The following LARGE1 variants were observed in gnomAD, a reference collection of about 807,000 sequenced individuals.
The protein encoded by LARGE1 is xylosyl- and glucuronyltransferase LARGE1.
A neutral mutation model predicts 87.6 loss-of-function variants in LARGE1; 43 were observed. The ratio of observed to expected loss-of-function variants is 0.49; its 90% CI spans 0.38 to 0.63. The LOEUF is 0.63. Ranked by LOEUF, LARGE1 falls within the 30% of genes least tolerant of loss-of-function variation. The pLI, the probability that LARGE1 is intolerant of heterozygous loss-of-function variation, is 0.00. For synonymous variants in LARGE1, 434 were observed against 394.6 expected (o/e 1.10, Z -1.18); for missense variants, 802 against 1,000.2 (o/e 0.80, Z 2.67).
At chr22:33,770,139 T>G (rs1231819080) in intron 1 of LARGE1, among the ~76,000 whole-genome samples, 1 of 152,238 alleles carries the variant, frequency 6.6e-6, no homozygotes, top group African/African-American at 2.4e-5. Flanking sequence ...GTCATAGATA[T>G]TAAGGAATCC....
chr22:33,788,274 C>T lies in LARGE1; in HGVS notation c.-82-26716G>A, dbSNP rs560230704. 6.6e-5 allele frequency among the ~76,000 whole-genome samples: 10 copies of T among 152,288 alleles called. No homozygotes were observed. The East Asian group carries it at 1.9e-3, about 29-fold the overall frequency. On this transcript the variant is annotated intron_variant, in intron 1 of 14. Transcript: ENST00000397394. Reference sequence around the variant, plus strand: ...CTGCACAAGCTTTCTTGCCTGCTGCCATGTAAGACGTGCCTTTGCTTCTCC... The same window carrying T: ...CTGCACAAGCTTTCTTGCCTGCTGCTATGTAAGACGTGCCTTTGCTTCTCC...
At chr22:33,836,688 C>T (rs2146373960) in intron 1 of LARGE1, among the ~76,000 whole-genome samples, 1 of 152,186 alleles carries the variant, frequency 6.6e-6, no homozygotes, top group African/African-American at 2.4e-5. Context: ...GGGTTCAAGC[C>T]TCAGTCCTCT....
intron 5 of LARGE1, among the ~76,000 whole-genome samples, chr22:33,568,175 C>G (rs1168508072): frequency 6.6e-6 from 1 of 152,170 alleles, no homozygotes; most frequent in African/African-American, 2.4e-5. Context: ...GGCCACCTGG[C>G]TGAGGCAGTG....
chr22:33,821,799 A>T (rs2086830113), intron 1 of LARGE1, among the ~76,000 whole-genome samples: 1 of 152,172 alleles, frequency 6.6e-6, no homozygotes, highest in African/African-American at 2.4e-5. Flanking sequence ...GGAAATCTTC[A>T]ACAATCATTA....
At chr22:33,633,803 T>A (rs1328162128) in intron 3 of LARGE1, among the ~76,000 whole-genome samples, 2 of 152,068 alleles carry the variant, frequency 1.3e-5, no homozygotes, top group Non-Finnish European at 2.9e-5. Flanking sequence ...AGGCAAGACC[T>A]CCCAGAGGAC....
At chr22:33,897,226 G>A (rs147728368) in intron 1 of LARGE1, among the ~76,000 whole-genome samples, 81 of 152,188 alleles carry the variant, frequency 5.3e-4, no homozygotes, top group Non-Finnish European at 1.0e-3. Flanking sequence ...AAAGCAGCTG[G>A]CTACCACATT....
chr22:33,737,746 A>T (rs1368237529), intron 2 of LARGE1: 2 of 152,178 alleles, frequency 1.3e-5, no homozygotes, highest in Non-Finnish European at 2.9e-5. Flanking sequence ...TGGGACAACA[A>T]TGAAGGCATT....
chr22:33,470,139 C>T (rs549877157), intron 6 of LARGE1, among the ~76,000 whole-genome samples: 1 of 152,112 alleles, frequency 6.6e-6, no homozygotes, highest in African/African-American at 2.4e-5. Context: ...ATCCACCCGC[C>T]TCAGCCTCAC....
At chr22:33,722,004 C>A (rs1244113474) in intron 2 of LARGE1, among the ~76,000 whole-genome samples, 1 of 152,176 alleles carries the variant, frequency 6.6e-6, no homozygotes, top group Non-Finnish European at 1.5e-5. Flanking sequence ...GTAATCCCAG[C>A]AGTTTGGGAG....
chr22:33,544,599 T>C (rs539657168), intron 6 of LARGE1, among the ~76,000 whole-genome samples: 1 of 152,142 alleles, frequency 6.6e-6, no homozygotes, highest in Admixed American at 6.5e-5. Context: ...GGAGAATCAC[T>C]TGAACCCTGG....
At chr22:33,558,933 T>A (rs938437168) in intron 6 of LARGE1, among the ~76,000 whole-genome samples, 2 of 152,204 alleles carry the variant, frequency 1.3e-5, no homozygotes, top group African/African-American at 4.8e-5. Flanking sequence ...GAAAATGGAA[T>A]GTGGAAAAAT....
At chr22:33,196,062 A>G (rs527726313) in intron 11 of LARGE1, among the ~76,000 whole-genome samples, 23 of 151,514 alleles carry the variant, frequency 1.5e-4, no homozygotes, top group African/African-American at 4.6e-4. Context: ...CTGGCCTAAA[A>G]TTAATTTCTT....
chr22:33,849,592 C>CTTTTTT lies in LARGE1; in HGVS notation c.-83+70397_-83+70402dup, dbSNP rs71187287. On this transcript the variant is annotated intron_variant, in intron 1 of 14. Coordinates refer to ENST00000397394, the MANE Select transcript of LARGE1 (RefSeq NM_133642.5). ...CTTTAGTTCTTTTTTCTTTTCTTCT[C>CTTTTTT]TTTTTTTTTTTTTTTTTTTTTTTTG... Among the ~76,000 whole-genome samples the CTTTTTT allele has an allele frequency of 1.5e-3, 135 of 88,588 alleles. 1 individual carries two copies. The highest frequency in any genetic ancestry group is 1.7e-3 in the African/African-American group (35 of 21,152). 58.1% of individuals were successfully genotyped at this position (88,588 alleles called of 152,430 possible).
intron 11 of LARGE1, among the ~76,000 whole-genome samples, chr22:33,225,314 G>A (rs1393801937): frequency 6.6e-6 from 1 of 152,164 alleles, no homozygotes; most frequent in Non-Finnish European, 1.5e-5. Context: ...GGTGCCTTGG[G>A]AGGACCTTAG....
At chr22:33,517,473 G>A (rs1168177287) in intron 6 of LARGE1, among the ~76,000 whole-genome samples, 1 of 152,162 alleles carries the variant, frequency 6.6e-6, no homozygotes, top group Non-Finnish European at 1.5e-5. Context: ...TTGGCTCACT[G>A]GGTTCAAGCG....
chr22:33,566,130 ATTTAAAAATTTTGTT>A (rs1387280447), intron 5 of LARGE1, among the ~76,000 whole-genome samples: 4 of 152,170 alleles, frequency 2.6e-5, no homozygotes, highest in South Asian at 2.1e-4. Context: ...AAAAATTCAA[ATTTAAAAATTTTGTT>A]TTAGACACCA....
intron 12 of LARGE1, among the ~76,000 whole-genome samples, chr22:33,286,264 C>G (rs1444343773): frequency 1.3e-5 from 2 of 152,218 alleles, no homozygotes; most frequent in Non-Finnish European, 2.9e-5. Flanking sequence ...AGCTAGCACT[C>G]TCTTTTGTAT....
intron 6 of LARGE1, among the ~76,000 whole-genome samples, chr22:33,558,301 C>T (rs749769630): frequency 3.3e-5 from 5 of 151,966 alleles, no homozygotes; most frequent in Non-Finnish European, 7.4e-5. Flanking sequence ...GCGGGGGACA[C>T]TGAGCTTCAT....
chr22:33,353,450 A>G (rs1452526507), intron 9 of LARGE1, among the ~76,000 whole-genome samples: 5 of 152,026 alleles, frequency 3.3e-5, no homozygotes, highest in African/African-American at 4.8e-5. Flanking sequence ...CACAAAGATA[A>G]TATGGTAACA....
Sources: gnomAD v4.1 joint callset for allele counts (sites outside exome capture counted in the v4.1 genomes callset) on GRCh38, gnomAD v4.1.1 for gene constraint, MANE v1.5 for transcripts, NCBI Gene and HGNC (gene_info 2026-07-23, HGNC 2026-07-21) for gene names.